The following NEGR1 variants were observed in gnomAD, a reference collection of about 807,000 sequenced individuals.
NEGR1 encodes neuronal growth regulator 1.
NEGR1 carries 10 observed loss-of-function variants against 40.9 expected under a neutral mutation model. That is an observed-to-expected ratio of 0.24 (90% CI 0.15 to 0.42). The LOEUF is 0.42. NEGR1 is among the 10% of genes least tolerant of loss of function. The pLI, the probability that NEGR1 is intolerant of heterozygous loss-of-function variation, is 1.00. For synonymous variants in NEGR1, 185 were observed against 166.8 expected (o/e 1.11, Z -0.84); for missense variants, 352 against 438.9 (o/e 0.80, Z 1.77).
At chr1:71,894,285 G>T (rs1285948860) in intron 2 of NEGR1, among the ~76,000 whole-genome samples, 1 of 151,248 alleles carries the variant, frequency 6.6e-6, no homozygotes, top group African/African-American at 2.4e-5. Context: ...AGACTTTTTG[G>T]TATGTGCTTG....
At chr1:72,204,151 TCAAA>T (rs1264106305) in intron 1 of NEGR1, among the ~76,000 whole-genome samples, 3 of 152,046 alleles carry the variant, frequency 2.0e-5, no homozygotes, top group Admixed American at 6.6e-5. Flanking sequence ...TGAAATTGCA[TCAAA>T]CAAAGTTACA....
chr1:72,043,141 C>T (rs1646970612), intron 1 of NEGR1, among the ~76,000 whole-genome samples: 1 of 151,886 alleles, frequency 6.6e-6, no homozygotes, highest in Non-Finnish European at 1.5e-5. Context: ...TGGCCTAGTC[C>T]ATGAAGCCTC....
chr1:71,909,142 C>T (rs1280470260), intron 2 of NEGR1, among the ~76,000 whole-genome samples: 3 of 152,172 alleles, frequency 2.0e-5, no homozygotes, highest in Admixed American at 2.0e-4. Context: ...TGCTTCAGTT[C>T]TCTGTGGGCA....
At chr1:71,894,841 G>A (rs1660921808) in intron 2 of NEGR1, among the ~76,000 whole-genome samples, 1 of 152,130 alleles carries the variant, frequency 6.6e-6, no homozygotes, top group Non-Finnish European at 1.5e-5. Flanking sequence ...CCAGGAGTTT[G>A]AGGATATAGT....
In NEGR1 at chr1:71,913,855, G is replaced by GAAA. The variant is rs10642966; in HGVS notation, c.409+21221_409+21223dup. 6.9e-3 allele frequency among the ~76,000 whole-genome samples: 882 copies of GAAA among 128,596 alleles called. 20 individuals are homozygous for GAAA. Among genetic ancestry groups the GAAA allele is most frequent in the East Asian group, 0.066 (306 of 4,652 alleles). 84.4% of individuals were successfully genotyped at this position (128,596 alleles called of 152,430 possible). On this transcript the variant is annotated intron_variant, in intron 2 of 6. Transcript: ENST00000357731. ...ACAAAGTGTTTCCTCTGAAGGAAAG[G>GAAA]AAAAAAAAAAAAAAACAGTGATAAC...
intron 3 of NEGR1, among the ~76,000 whole-genome samples, chr1:71,699,982 C>T (rs948620235): frequency 5.9e-5 from 9 of 151,812 alleles, no homozygotes; most frequent in Non-Finnish European, 1.2e-4. Context: ...ACTGTATGTC[C>T]GATTAAACCT....
At chr1:71,637,077 A>C (rs1032320734) in intron 4 of NEGR1, among the ~76,000 whole-genome samples, 2 of 152,056 alleles carry the variant, frequency 1.3e-5, no homozygotes, top group African/African-American at 2.4e-5. Context: ...TAGAGAGCAA[A>C]AAATAGGATT....
intron 2 of NEGR1, among the ~76,000 whole-genome samples, chr1:71,832,621 T>C (rs1658879125): frequency 6.6e-6 from 1 of 152,074 alleles, no homozygotes; most frequent in African/African-American, 2.4e-5. Flanking sequence ...AGTAAAGATT[T>C]GTTGAATTGG....
At chr1:71,780,040 CAAAAAAAAAAAAAAAAAAAAAAAAA>C (rs57576840) in intron 2 of NEGR1, among the ~76,000 whole-genome samples, 10 of 99,738 alleles carry the variant, frequency 1.0e-4, no homozygotes, top group African/African-American at 3.8e-4. Context: ...ATAGGAAAAC[CAAAAAAAAAAAAAAAAAAAAAAAAA>C]AAAAAAGAAA....
intron 1 of NEGR1, among the ~76,000 whole-genome samples, chr1:71,983,812 T>C (rs1646373258): frequency 6.6e-6 from 1 of 152,222 alleles, no homozygotes; most frequent in South Asian, 2.1e-4. Flanking sequence ...CACAGGATCA[T>C]ACTCCATTTT....
At chr1:71,766,283 T>G (rs768402335) in intron 3 of NEGR1, among the ~76,000 whole-genome samples, 2 of 150,934 alleles carry the variant, frequency 1.3e-5, no homozygotes, top group Admixed American at 6.6e-5. Context: ...TTTAATAAAA[T>G]AAGGACCTGA....
chr1:71,620,886 A>G (rs1383205698), intron 4 of NEGR1, among the ~76,000 whole-genome samples: 1 of 151,968 alleles, frequency 6.6e-6, no homozygotes, highest in African/African-American at 2.4e-5. Context: ...TGAAGTACTT[A>G]ACCCTTCTAA....
intron 6 of NEGR1, among the ~76,000 whole-genome samples, chr1:71,579,290 A>T (rs557436882): frequency 6.6e-6 from 1 of 152,288 alleles, no homozygotes; most frequent in Non-Finnish European, 1.5e-5. Flanking sequence ...AATTAATTAC[A>T]TTTTGTGATA....
At chr1:71,715,812 A>G (rs1412677466) in intron 3 of NEGR1, among the ~76,000 whole-genome samples, 1 of 152,146 alleles carries the variant, frequency 6.6e-6, no homozygotes, top group Non-Finnish European at 1.5e-5. Context: ...GCCATTCAAC[A>G]AATCTCTAGG....
At chr1:71,826,231 T>C (rs1187649161) in intron 2 of NEGR1, among the ~76,000 whole-genome samples, 1 of 151,954 alleles carries the variant, frequency 6.6e-6, no homozygotes, top group Non-Finnish European at 1.5e-5. Context: ...GTGTGTTCTC[T>C]GTCACTCTGC....
chr1:71,848,759 G>A (rs1659502998), intron 2 of NEGR1, among the ~76,000 whole-genome samples: 1 of 152,156 alleles, frequency 6.6e-6, no homozygotes, highest in Non-Finnish European at 1.5e-5. Context: ...ATGGATCAAG[G>A]TGTAAGTTCA....
intron 3 of NEGR1, among the ~76,000 whole-genome samples, chr1:71,770,684 T>G (rs1656286770): frequency 6.6e-6 from 1 of 152,114 alleles, no homozygotes; most frequent in Non-Finnish European, 1.5e-5. Context: ...ATGGTCAAAC[T>G]GAAGACAATT....
chr1:71,718,227 T>C (rs1654341396), intron 3 of NEGR1, among the ~76,000 whole-genome samples: 1 of 152,230 alleles, frequency 6.6e-6, no homozygotes, highest in East Asian at 1.9e-4. Flanking sequence ...ATTTTTATTA[T>C]GTGGAAGATC....
intron 6 of NEGR1, among the ~76,000 whole-genome samples, chr1:71,542,115 G>A (rs17091348): frequency 0.26 from 39,442 of 151,536 alleles, 5,939 homozygotes; most frequent in East Asian, 0.61. Flanking sequence ...AGTCCTGGTG[G>A]TAGGAACTGT....
Sources: gnomAD v4.1 joint callset for allele counts (sites outside exome capture counted in the v4.1 genomes callset) on GRCh38, gnomAD v4.1.1 for gene constraint, MANE v1.5 for transcripts, NCBI Gene and HGNC (gene_info 2026-07-23, HGNC 2026-07-21) for gene names.